TMEM178B: variants seen among roughly 807,000 people sequenced by gnomAD.
TMEM178B encodes transmembrane protein 178B.
In TMEM178B, 5 loss-of-function variants were observed where a neutral mutation model predicts 31.0. The observed-to-expected ratio is 0.16, with a 90% CI of 0.08 to 0.34. The LOEUF is 0.34. Among genes scored for constraint, TMEM178B ranks in the 10% least tolerant of loss-of-function variants. The probability of loss-of-function intolerance (pLI) is 1.00; values close to 1 mark genes in which losing one functional copy is unlikely to be tolerated. For missense variants in TMEM178B, 275 were observed against 400.3 expected, an observed-to-expected ratio of 0.69 and a Z score of 2.67; for synonymous variants, 164 against 164.0, an observed-to-expected ratio of 1.00 and a Z score of 0.00.
chr7:141,171,840 G>GTGAA lies in TMEM178B; in HGVS notation c.383-40726_383-40723dup, dbSNP rs72192328. 6.7e-3 allele frequency among the ~76,000 whole-genome samples: 1,010 copies of GTGAA among 151,288 alleles called. 9 individuals are homozygous for GTGAA. The highest frequency in any genetic ancestry group is 0.02 in the African/African-American group (811 of 41,226). ...TTTATCAGGCTCTCAATACACATTTGTGAATGAATGAATGAATGAATGAAT... is the reference window on the plus strand; with the variant it reads ...TTTATCAGGCTCTCAATACACATTTGTGAATGAATGAATGAATGAATGAATGAAT... On this transcript the variant is annotated intron_variant, in intron 1 of 3. Coordinates refer to ENST00000565468, the MANE Select transcript of TMEM178B (RefSeq NM_001195278.2). This position sits in a 1 kb window ranked among gnomAD's most constrained non-coding sequence, Gnocchi z 4.3.
chr7:141,491,229 C>G, the TMEM178B span, among the ~76,000 whole-genome samples: 1 of 151,996 alleles, frequency 6.6e-6, no homozygotes, highest in Non-Finnish European at 1.5e-5. Context: ...GATGGAGTCT[C>G]CCTAGGTTTT....
intron 1 of TMEM178B, among the ~76,000 whole-genome samples, chr7:141,106,430 C>T (rs560526067): frequency 1.3e-5 from 2 of 152,198 alleles, no homozygotes; most frequent in African/African-American, 4.8e-5. Flanking sequence ...AAAGTGAAAA[C>T]ATGATTCTTT....
chr7:141,482,006 C>T (rs1388798931), downstream of TMEM178B, among the ~76,000 whole-genome samples: 3 of 152,094 alleles, frequency 2.0e-5, no homozygotes, highest in Non-Finnish European at 2.9e-5. Context: ...CAGAAGGCCC[C>T]GATGCTCTGT....
chr7:141,301,846 G>A (rs1798732790), intron 2 of TMEM178B, among the ~76,000 whole-genome samples: 1 of 152,226 alleles, frequency 6.6e-6, no homozygotes, highest in Non-Finnish European at 1.5e-5. Flanking sequence ...ACAGAGAAGA[G>A]AGTCCTGAGC....
chr7:141,093,539 G>T (rs1280190337), intron 1 of TMEM178B, among the ~76,000 whole-genome samples: 1 of 152,212 alleles, frequency 6.6e-6, no homozygotes, highest in African/African-American at 2.4e-5. Context: ...GGAGTCATCA[G>T]CTCATGGTAC....
intron 2 of TMEM178B, among the ~76,000 whole-genome samples, chr7:141,296,312 C>A (rs986525913): frequency 6.6e-6 from 1 of 152,190 alleles, no homozygotes; most frequent in Non-Finnish European, 1.5e-5. Flanking sequence ...AAGTGATCCA[C>A]CTGCCTCAGC....
At chr7:141,510,828 A>C in the TMEM178B span, among the ~76,000 whole-genome samples, 1 of 151,776 alleles carries the variant, frequency 6.6e-6, no homozygotes, top group African/African-American at 2.4e-5. Flanking sequence ...CAGGGACGAC[A>C]CCAACTGCCC....
chr7:141,084,276 A>G (rs778891860), intron 1 of TMEM178B, among the ~76,000 whole-genome samples: 81 of 152,336 alleles, frequency 5.3e-4, no homozygotes, highest in African/African-American at 1.9e-3. Flanking sequence ...AGGAGTACCA[A>G]TATATAAAAC....
chr7:141,333,897 T>G (rs1799338293), intron 2 of TMEM178B, among the ~76,000 whole-genome samples: 1 of 152,226 alleles, frequency 6.6e-6, no homozygotes, highest in South Asian at 2.1e-4. Flanking sequence ...TATGAGAATC[T>G]AATGGCGCAG....
intron 2 of TMEM178B, among the ~76,000 whole-genome samples, chr7:141,333,061 G>T (rs1262116160): frequency 2.6e-5 from 4 of 152,146 alleles, no homozygotes; most frequent in African/African-American, 4.8e-5. Context: ...CCCCTTCCTT[G>T]TTCCTAGAGG....
In TMEM178B at chr7:141,074,224, C is replaced by T. The variant is rs1257647715; in HGVS notation, c.-87C>T. On this transcript the variant is annotated 5_prime_UTR_variant, in exon 1 of 4. Coordinates refer to ENST00000565468, the MANE Select transcript of TMEM178B (RefSeq NM_001195278.2). This position sits in a 1 kb window ranked among gnomAD's most constrained non-coding sequence, Gnocchi z 5.1. ...CCCTCTCCTGCCCCCTCCCCCAGCT[C>T]GGCCGCCCGCCGCTTTGTTCCGGGT... The T allele has an allele frequency of 2.1e-5, 30 of 1,434,822 alleles. No individual in the cohort carries two copies. The highest frequency in any genetic ancestry group is 1.3e-4 in the East Asian group (5 of 39,698). The allele number at this position is 1,434,822 out of a possible 1,614,324, so 88.9% of individuals were successfully genotyped here. A position where few individuals can be genotyped will look rare whatever the true frequency, so the allele number is the denominator to read the frequency against.
intron 2 of TMEM178B, among the ~76,000 whole-genome samples, chr7:141,275,923 G>A (rs557970166): frequency 9.2e-5 from 14 of 152,268 alleles, no homozygotes; most frequent in Non-Finnish European, 2.1e-4. Flanking sequence ...ATGTGTTCAT[G>A]GAGAGCTGCA....
At chr7:141,215,857 CTCTT>C (rs201758808) in intron 2 of TMEM178B, among the ~76,000 whole-genome samples, 5,472 of 109,564 alleles carry the variant, frequency 0.05, 231 homozygotes, top group South Asian at 0.19. Context: ...TCTTTTCTTT[CTCTT>C]TCTTTCTTTT....
chr7:141,312,746 A>G (rs1433313610), intron 2 of TMEM178B, among the ~76,000 whole-genome samples: 2 of 152,232 alleles, frequency 1.3e-5, no homozygotes, highest in Non-Finnish European at 2.9e-5. Context: ...TAGAATTGAA[A>G]TCCTCTGCTG....
At chr7:141,251,604 G>A (rs1797835067) in intron 2 of TMEM178B, among the ~76,000 whole-genome samples, 1 of 152,118 alleles carries the variant, frequency 6.6e-6, no homozygotes, top group Non-Finnish European at 1.5e-5. Context: ...AACACATTAA[G>A]CCATAATTAT....
intron 2 of TMEM178B, among the ~76,000 whole-genome samples, chr7:141,255,987 CATCT>C (rs1308427025): frequency 1.3e-5 from 2 of 151,878 alleles, no homozygotes; most frequent in South Asian, 2.1e-4. Context: ...TCCATCCATC[CATCT>C]ATCCATCCTT....
chr7:141,333,163 G>A (rs1022856081), intron 2 of TMEM178B, among the ~76,000 whole-genome samples: 1 of 152,172 alleles, frequency 6.6e-6, no homozygotes, highest in Middle Eastern at 3.2e-3. Context: ...CAAATTCTAT[G>A]GTGTTGAAAA....
intron 2 of TMEM178B, among the ~76,000 whole-genome samples, chr7:141,388,405 C>T (rs1800472771): frequency 6.6e-6 from 1 of 152,166 alleles, no homozygotes; most frequent in Non-Finnish European, 1.5e-5. Flanking sequence ...TCACTGTGAA[C>T]TCACTAAAGA....
At chr7:141,278,673 T>C (rs191981127) in intron 2 of TMEM178B, among the ~76,000 whole-genome samples, 3 of 152,256 alleles carry the variant, frequency 2.0e-5, no homozygotes, top group Non-Finnish European at 2.9e-5. Flanking sequence ...AGAAATCATG[T>C]TGAGTAAGGA....
Sources: gnomAD v4.1 joint callset for allele counts (sites outside exome capture counted in the v4.1 genomes callset) on GRCh38, gnomAD v4.1.1 for gene constraint, Gnocchi (gnomAD v3.1) non-coding constraint, MANE v1.5 for transcripts, NCBI Gene and HGNC (gene_info 2026-07-23, HGNC 2026-07-21) for gene names.